The following TMEM132B variants were observed in gnomAD, a reference collection of about 807,000 sequenced individuals.
The protein encoded by TMEM132B is transmembrane protein 132B.
In TMEM132B, 18 loss-of-function variants were observed where a neutral mutation model predicts 90.8. The observed-to-expected ratio is 0.20, with a 90% CI of 0.14 to 0.29. The LOEUF (loss-of-function observed/expected upper bound fraction) is 0.29. TMEM132B is among the 10% of genes least tolerant of loss of function. The pLI, the probability that TMEM132B is intolerant of heterozygous loss-of-function variation, is 1.00. For synonymous variants in TMEM132B, 504 were observed against 523.3 expected, an observed-to-expected ratio of 0.96 and a Z score of 0.50; for missense variants, 1,096 against 1,326.8, an observed-to-expected ratio of 0.83 and a Z score of 2.70.
intron 1 of TMEM132B, among the ~76,000 whole-genome samples, chr12:125,339,859 A>G: frequency 6.6e-6 from 1 of 152,246 alleles, no homozygotes; most frequent in East Asian, 1.9e-4. Context: ...ATACAGTCAC[A>G]TTCTGAGGTG....
intron 3 of TMEM132B, among the ~76,000 whole-genome samples, chr12:125,501,751 T>C (rs1402770377): frequency 6.6e-6 from 1 of 152,216 alleles, no homozygotes; most frequent in East Asian, 1.9e-4. Flanking sequence ...TATGCTAATA[T>C]TGACAGGTGG....
chr12:125,399,483 ATGTGTGTG>A (rs1555246075), intron 2 of TMEM132B, among the ~76,000 whole-genome samples: 2,041 of 69,910 alleles, frequency 0.029, 57 homozygotes, highest in African/African-American at 0.085. Context: ...GTGTGTGTGT[ATGTGTGTG>A]TGTGTGTGTG....
At chr12:125,294,147 C>G (rs73422827) in intron 1 of TMEM132B, among the ~76,000 whole-genome samples, 2 of 152,214 alleles carry the variant, frequency 1.3e-5, no homozygotes, top group Non-Finnish European at 2.9e-5. Context: ...TGAGCATAGA[C>G]AGCCCATGCC....
chr12:125,509,753 C>A (rs1056122591), intron 3 of TMEM132B, among the ~76,000 whole-genome samples: 1 of 152,068 alleles, frequency 6.6e-6, no homozygotes, highest in Non-Finnish European at 1.5e-5. Flanking sequence ...CAAAATCAGA[C>A]CCCCAGTTCC....
intron 3 of TMEM132B, among the ~76,000 whole-genome samples, chr12:125,515,264 ACATT>A (rs1320425819): frequency 2.6e-5 from 4 of 151,608 alleles, no homozygotes; most frequent in Middle Eastern, 3.2e-3. Flanking sequence ...ACACATTCAT[ACATT>A]CACTCACACA....
chr12:125,319,302 A>G (rs574214963), intron 1 of TMEM132B, among the ~76,000 whole-genome samples: 1 of 152,196 alleles, frequency 6.6e-6, no homozygotes, highest in Non-Finnish European at 1.5e-5. Context: ...GATAGTGAAC[A>G]GTCATTCCAT....
intron 3 of TMEM132B, among the ~76,000 whole-genome samples, chr12:125,495,163 G>A (rs1438831364): frequency 9.7e-6 from 1 of 102,638 alleles, no homozygotes; most frequent in Admixed American, 1.2e-4. Context: ...CCCTGAAAAT[G>A]GCCGCGTCCC....
chr12:125,575,897 T>G (rs1487864177), intron 4 of TMEM132B, among the ~76,000 whole-genome samples: 1 of 152,116 alleles, frequency 6.6e-6, no homozygotes, highest in Non-Finnish European at 1.5e-5. Context: ...TTCTGGAAAG[T>G]CAATTCTAAT....
intron 5 of TMEM132B, among the ~76,000 whole-genome samples, chr12:125,611,915 G>C (rs908376638): frequency 6.6e-6 from 1 of 151,932 alleles, no homozygotes; most frequent in African/African-American, 2.4e-5. Context: ...GATATGTTAG[G>C]TCAAATTCGT....
intron 5 of TMEM132B, among the ~76,000 whole-genome samples, chr12:125,596,251 T>A (rs972950809): frequency 6.6e-6 from 1 of 152,170 alleles, no homozygotes; most frequent in Non-Finnish European, 1.5e-5. Flanking sequence ...CTGGTGGCAA[T>A]AAAGATTCTG....
chr12:125,657,028 A>G lies in TMEM132B; in HGVS notation c.*2318A>G, dbSNP rs1887081687. 6.6e-6 allele frequency: 1 copy of G among 152,182 alleles called. No homozygotes were observed. Among genetic ancestry groups the G allele is most frequent in the Non-Finnish European group, 1.5e-5 (1 of 68,048 alleles). The allele number at this position is 152,182 out of a possible 1,614,324, so 9.4% of individuals were successfully genotyped here. A position where few individuals can be genotyped will look rare whatever the true frequency, so the allele number is the denominator to read the frequency against. On this transcript the variant is annotated 3_prime_UTR_variant, in exon 9 of 9. Coordinates refer to ENST00000682704, the MANE Select transcript of TMEM132B (RefSeq NM_001366854.1). ...CCTGCCATGGGGAGTGTTATTCAGGAACATAAAAATTAGAGCATTCCCTCT... is the reference window on the plus strand; with the variant it reads ...CCTGCCATGGGGAGTGTTATTCAGGGACATAAAAATTAGAGCATTCCCTCT...
chr12:125,470,270 A>G (rs1239365019), intron 3 of TMEM132B, among the ~76,000 whole-genome samples: 1 of 152,142 alleles, frequency 6.6e-6, no homozygotes, highest in Non-Finnish European at 1.5e-5. Context: ...AGCCCCAACC[A>G]TCAACTGCAG....
intron 2 of TMEM132B, among the ~76,000 whole-genome samples, chr12:125,354,563 C>T (rs1416655305): frequency 6.6e-6 from 1 of 152,140 alleles, no homozygotes; most frequent in Non-Finnish European, 1.5e-5. Flanking sequence ...TGATTCAGTA[C>T]TGGGATAAAA....
At chr12:125,198,622 C>T (rs1382146552) in intron 1 of TMEM132B, among the ~76,000 whole-genome samples, 1 of 152,190 alleles carries the variant, frequency 6.6e-6, no homozygotes, top group Non-Finnish European at 1.5e-5. Context: ...ATACTTAAGT[C>T]CGAAGCTCAT....
intron 1 of TMEM132B, among the ~76,000 whole-genome samples, chr12:125,272,251 G>A (rs1198998628): frequency 1.3e-5 from 2 of 152,200 alleles, no homozygotes; most frequent in African/African-American, 4.8e-5. Context: ...GGGCTGTGGA[G>A]GGCTTTGAAT....
At chr12:125,326,516 C>A in intron 1 of TMEM132B, 1 of 1,305,928 alleles carries the variant, frequency 7.7e-7, no homozygotes, top group Non-Finnish European at 1.1e-6. Context: ...GTATAGTAAA[C>A]ATCGGCTTAA....
intron 2 of TMEM132B, among the ~76,000 whole-genome samples, chr12:125,368,603 A>T (rs1181312905): frequency 6.6e-6 from 1 of 152,206 alleles, no homozygotes; most frequent in East Asian, 1.9e-4. Context: ...AGGATGGGAA[A>T]AGGTAGAGAA....
intron 1 of TMEM132B, among the ~76,000 whole-genome samples, chr12:125,228,897 C>T (rs1458954087): frequency 6.6e-6 from 1 of 152,164 alleles, no homozygotes; most frequent in Non-Finnish European, 1.5e-5. Context: ...TGTACTGGGG[C>T]TTCTTTGACT....
intron 2 of TMEM132B, among the ~76,000 whole-genome samples, chr12:125,358,238 A>T (rs571561028): frequency 7.9e-5 from 12 of 152,052 alleles, no homozygotes; most frequent in African/African-American, 2.9e-4. Context: ...TATGTAAGAC[A>T]TTTTCATTTT....
Sources: allele counts gnomAD v4.1 joint callset (sites outside exome capture counted in the v4.1 genomes callset), GRCh38; gene constraint gnomAD v4.1.1; transcripts MANE v1.5; gene names NCBI Gene and HGNC (gene_info 2026-07-23, HGNC 2026-07-21).